Variants in NONO observed in about 807,000 individuals in gnomAD.
The protein encoded by NONO is non-POU domain containing octamer binding.
In NONO, 6 loss-of-function variants were observed where a neutral mutation model predicts 40.2. That is an observed-to-expected ratio of 0.15 (90% CI 0.08 to 0.29). The LOEUF is 0.29. Among genes scored for constraint, NONO ranks in the 10% least tolerant of loss-of-function variants. The probability of loss-of-function intolerance (pLI) is 1.00; values close to 1 mark genes in which losing one functional copy is unlikely to be tolerated. For synonymous variants in NONO, 89 were observed against 123.3 expected (o/e 0.72, Z 1.85); for missense variants, 133 against 397.8 (o/e 0.33, Z 5.66).
At chrX:71,289,863 C>T (rs372545136) in intron 2 of NONO, among the ~76,000 whole-genome samples, 2 of 111,118 alleles carry the variant, frequency 1.8e-5, no homozygotes, top group East Asian at 5.7e-4. Context: ...CCTCCACCTC[C>T]CAGGTTCAAG....
chrX:71,294,011 C>G, intron 4 of NONO: 1 of 427,675 alleles, frequency 2.3e-6, no homozygotes, highest in African/African-American at 2.4e-5. Flanking sequence ...GTGTTATTGA[C>G]TTCTAGAACT....
chrX:71,287,026 CAA>C (rs1333761590), intron 2 of NONO, among the ~76,000 whole-genome samples: 3 of 112,141 alleles, frequency 2.7e-5, no homozygotes, highest in Admixed American at 1.9e-4. Flanking sequence ...TCATCAAAAT[CAA>C]TAGTTACCAA....
intron 2 of NONO, 108 bp from the exon 3 acceptor site, chrX:71,290,521 A>G (rs1003589524): frequency 6.7e-6 from 4 of 596,639 alleles, no homozygotes; most frequent in African/African-American, 2.3e-5. Flanking sequence ...TTTGCCTCTG[A>G]CAAAAGCCAG....
intron 2 of NONO, among the ~76,000 whole-genome samples, chrX:71,286,564 C>T (rs1003633063): frequency 3.6e-5 from 4 of 111,446 alleles, no homozygotes; most frequent in African/African-American, 1.3e-4. Flanking sequence ...TTTTGCCTAC[C>T]TTCTGTTCCC....
intron 9 of NONO, 109 bp from the exon 10 acceptor site, chrX:71,298,360 G>A (rs2031497958): frequency 1.5e-6 from 1 of 679,217 alleles, no homozygotes; most frequent in Non-Finnish European, 2.4e-6. Context: ...TCTCAGTGCT[G>A]TTTGGACGTG....
At chrX:71,291,715 C>A (rs1434357432) in intron 3 of NONO, 64 bp from the exon 4 acceptor site, 9 of 863,623 alleles carry the variant, frequency 1.0e-5, no homozygotes, top group Non-Finnish European at 1.4e-5. Flanking sequence ...GGTTATAGGT[C>A]TTTGAGGATA....
Position 71,298,806 on chromosome X carries a change from C to G in NONO, c.1271C>G (p.Thr424Ser), listed in dbSNP as rs1272380798. The change falls in exon 11 of 12, where the codon ACT (threonine) becomes AGT (serine). Residue 424 changes from threonine (T) to serine (S), a missense_variant. Coordinates refer to ENST00000276079, the MANE Select transcript of NONO (RefSeq NM_007363.5). ...PGPATMMPDGTLGLTPPTTER... is the reference protein window; with the variant it reads ...PGPATMMPDGSLGLTPPTTER... ...CCTGCCACTATGATGCCGGATGGAACTTTGGGATTGGTAATAAAACTGCAG... is the reference window on the plus strand; with the variant it reads ...CCTGCCACTATGATGCCGGATGGAAGTTTGGGATTGGTAATAAAACTGCAG... 1 of 1,199,492 alleles carries G rather than the reference C, an allele frequency of 8.3e-7. No individual in the cohort carries two copies. Among genetic ancestry groups the G allele is most frequent in the Middle Eastern group, 2.3e-4 (1 of 4,323 alleles).
Position 71,298,738 on chromosome X carries a change from G to T in NONO, c.1203G>T (p.Met401Ile). 8.3e-7 allele frequency: 1 copy of T among 1,209,179 alleles called. No homozygotes were observed. Among genetic ancestry groups the T allele is most frequent in the Non-Finnish European group, 1.1e-6 (1 of 894,075 alleles). Residue 401 changes from methionine (M) to isoleucine (I), a missense_variant, in exon 11 of 12, where the codon ATG (methionine) becomes ATT (isoleucine). Around this residue, in one of 3 missense-constraint regions of NONO, gnomAD observed 73 missense variants for 162.2 expected, o/e 0.45. Transcript: ENST00000276079. Reference sequence around the variant, plus strand: ...TGGGCATAAACAACAGAGGTGCCATGCCCCCTGCTCCTGTGCCAGCTGGTA... The same window carrying T: ...TGGGCATAAACAACAGAGGTGCCATTCCCCCTGCTCCTGTGCCAGCTGGTA... ...GAMGINNRGA[M>I]PPAPVPAGTP... is the part of the protein sequence containing the mutation.
At chrX:71,285,559 A>G (rs1006172293) in intron 2 of NONO, among the ~76,000 whole-genome samples, 1 of 112,017 alleles carries the variant, frequency 8.9e-6, no homozygotes, top group African/African-American at 3.2e-5. Context: ...TTATAATAGG[A>G]AAAGCCAAAA....
chrX:71,296,339 C>T (rs950703863), intron 5 of NONO, among the ~76,000 whole-genome samples: 26 of 110,229 alleles, frequency 2.4e-4, no homozygotes, highest in Non-Finnish European at 3.8e-4. Flanking sequence ...GTCTTGAACT[C>T]CTGACCTCAT....
chrX:71,290,591 G>A, intron 2 of NONO, 38 bp from the exon 3 acceptor site: 1 of 1,115,172 alleles, frequency 9.0e-7, no homozygotes, highest in Non-Finnish European at 1.2e-6. Context: ...TGTGTTATTA[G>A]TACTGAATTT....
intron 11 of NONO, among the ~76,000 whole-genome samples, chrX:71,299,065 G>A (rs760201351): frequency 2.7e-5 from 3 of 111,889 alleles, no homozygotes; most frequent in Non-Finnish European, 5.6e-5. Context: ...GGGACTACAG[G>A]TGCTTGCCAC....
At chrX:71,299,829 A>G (rs144944279) in intron 11 of NONO, 113 bp from the exon 12 acceptor site, 14,928 of 958,720 alleles carry the variant, frequency 0.016, 110 homozygotes, top group Non-Finnish European at 0.017. Context: ...CCTACCTACC[A>G]TCAGGAGCCT....
At chrX:71,295,733 G>A (rs2031431403) in intron 5 of NONO, among the ~76,000 whole-genome samples, 1 of 111,204 alleles carries the variant, frequency 9.0e-6, no homozygotes, top group African/African-American at 3.3e-5. Context: ...AGAGGTTGCA[G>A]TGAGCCGACA....
chrX:71,284,742 C>T (rs2031151958), intron 2 of NONO, among the ~76,000 whole-genome samples: 1 of 111,874 alleles, frequency 8.9e-6, no homozygotes, highest in African/African-American at 3.2e-5. Context: ...TTCAGGCTGG[C>T]CATCCAGGCA....
chrX:71,297,075 C>G, intron 7 of NONO, 28 bp downstream of exon 7: 1 of 1,104,754 alleles, frequency 9.1e-7, no homozygotes. Context: ...AGTCTTAAAG[C>G]TGAAAGGACA....
chrX:71,292,582 C>T (rs1233041268), intron 4 of NONO: 1 of 111,854 alleles, frequency 8.9e-6, no homozygotes, highest in African/African-American at 3.2e-5. Context: ...CATTGCATAG[C>T]TTCAGTAATT....
rs993899830 is a variant in NONO at position 71,294,550 on chromosome X, A to T, written c.650+22A>T. 3.4e-6 allele frequency: 4 copies of T among 1,172,157 alleles called. No homozygotes were observed. The African/African-American group carries it at 7.1e-5, about 21-fold the overall frequency. ...CCACGTAAGTGAGGGTCATTTTCAG[A>T]CGTAGACCTTAGATTGCTAATTCCT... On this transcript the variant is annotated intron_variant, in intron 5 of 11. Transcript: ENST00000276079.
chrX:71,291,407 T>G (rs765972515), intron 3 of NONO, among the ~76,000 whole-genome samples: 1 of 109,573 alleles, frequency 9.1e-6, no homozygotes, highest in South Asian at 3.8e-4. Context: ...TGTTTTTTGT[T>G]TTTTTTTTTG....
Sources: gnomAD v4.1 joint callset for allele counts (sites outside exome capture counted in the v4.1 genomes callset) on GRCh38, gnomAD v4.1.1 for gene constraint, gnomAD v4.1.1 regional missense constraint, MANE v1.5 for transcripts, NCBI Gene and HGNC (gene_info 2026-07-23, HGNC 2026-07-21) for gene names.